The following HORMAD2 variants were observed in gnomAD, a reference collection of about 807,000 sequenced individuals.
HORMAD2 encodes the protein HORMA domain containing 2.
HORMAD2 carries 45 observed loss-of-function variants against 38.8 expected under a neutral mutation model. The observed-to-expected ratio is 1.16, with a 90% confidence interval of 0.91 to 1.49. HORMAD2 has a LOEUF of 1.49. Among genes scored for constraint, HORMAD2 ranks in the 40% most tolerant of loss-of-function variants. The pLI is 0.00. For missense variants in HORMAD2, 338 were observed against 367.0 expected, an observed-to-expected ratio of 0.92 and a Z score of 0.65; for synonymous variants, 126 against 122.8, an observed-to-expected ratio of 1.03 and a Z score of -0.17.
In HORMAD2 at chr22:30,176,473, T is replaced by C; in HGVS notation, c.*306T>C. The stretch of plus-strand genomic sequence containing the variant: ...CACAGCAGCTATTTTGGAAAGAAGC[T>C]GTTGTTCTCAAAGGAAAGAAGGATT... On this transcript the variant is annotated 3_prime_UTR_variant, in exon 11 of 11. Coordinates refer to ENST00000336726, the MANE Select transcript of HORMAD2 (RefSeq NM_152510.4). 3.7e-6 allele frequency: 1 copy of C among 272,590 alleles called. No individual in the cohort carries two copies. The highest frequency in any genetic ancestry group is 7.0e-6 in the Non-Finnish European group (1 of 143,324). 16.9% of individuals were successfully genotyped at this position (272,590 alleles called of 1,614,324 possible).
At chr22:30,125,178 C>CATGTTTGT (rs1423778669) in intron 10 of HORMAD2, among the ~76,000 whole-genome samples, 1 of 126,118 alleles carries the variant, frequency 7.9e-6, no homozygotes, top group Non-Finnish European at 1.7e-5. Flanking sequence ...ATATTTTTTT[C>CATGTTTGT]ATGTTTGTGG....
intron 10 of HORMAD2, among the ~76,000 whole-genome samples, chr22:30,138,758 T>C (rs1923845327): frequency 6.6e-6 from 1 of 152,178 alleles, no homozygotes; most frequent in Non-Finnish European, 1.5e-5. Context: ...AAGAATAAAA[T>C]ACTTGGGAAT....
intron 7 of HORMAD2, among the ~76,000 whole-genome samples, chr22:30,115,772 G>A (rs1028803752): frequency 5.3e-5 from 8 of 152,198 alleles, no homozygotes; most frequent in African/African-American, 1.9e-4. Flanking sequence ...AACAGGTGAT[G>A]TACTAGAGAG....
intron 10 of HORMAD2, among the ~76,000 whole-genome samples, chr22:30,133,014 G>A (rs1428111285): frequency 2.0e-5 from 3 of 151,990 alleles, no homozygotes; most frequent in African/African-American, 7.2e-5. Context: ...TATTCTGTTT[G>A]GTTAAAAAAG....
chr22:30,122,343 C>A, intron 10 of HORMAD2, 129 bp downstream of exon 10: 2 of 769,438 alleles, frequency 2.6e-6, no homozygotes, highest in Non-Finnish European at 3.8e-6. Context: ...TCTCTGACAT[C>A]AAGGAGTTTT....
chr22:30,190,601 C>T, the HORMAD2 span, among the ~76,000 whole-genome samples: 1 of 152,128 alleles, frequency 6.6e-6, no homozygotes, highest in Non-Finnish European at 1.5e-5. Flanking sequence ...GAGGCTCACC[C>T]AAGAGGGAAA....
chr22:30,196,603 A>G, the HORMAD2 span, among the ~76,000 whole-genome samples: 5 of 152,166 alleles, frequency 3.3e-5, no homozygotes, highest in Non-Finnish European at 7.3e-5. Flanking sequence ...AAATTAAACC[A>G]AGAAACAGAG....
chr22:30,144,374 T>G (rs965526404), intron 10 of HORMAD2, among the ~76,000 whole-genome samples: 2 of 152,232 alleles, frequency 1.3e-5, no homozygotes, highest in African/African-American at 4.8e-5. Context: ...AGCAAATACC[T>G]GTAATGAATC....
chr22:30,114,126 G>A (rs1921865376), intron 7 of HORMAD2, among the ~76,000 whole-genome samples: 1 of 152,186 alleles, frequency 6.6e-6, no homozygotes, highest in African/African-American at 2.4e-5. Flanking sequence ...GTATTACAGA[G>A]TGGGAAGAAA....
chr22:30,201,167 G>GTGGT, the HORMAD2 span, among the ~76,000 whole-genome samples: 2 of 152,174 alleles, frequency 1.3e-5, no homozygotes, highest in Admixed American at 1.3e-4. Flanking sequence ...CTAGCTTCCA[G>GTGGT]TGGTTGCTGA....
intron 2 of HORMAD2, among the ~76,000 whole-genome samples, chr22:30,097,434 A>T (rs1233837163): frequency 1.3e-5 from 2 of 152,220 alleles, no homozygotes; most frequent in Non-Finnish European, 2.9e-5. Context: ...TTGTATATAT[A>T]TACACACATA....
chr22:30,195,192 CAAA>C, the HORMAD2 span, among the ~76,000 whole-genome samples: 5 of 89,640 alleles, frequency 5.6e-5, no homozygotes, highest in Admixed American at 1.1e-4. Context: ...GACTCCGTCT[CAAA>C]AAAAAAAAAA....
chr22:30,184,120 A>G, the HORMAD2 span, among the ~76,000 whole-genome samples: 1 of 152,240 alleles, frequency 6.6e-6, no homozygotes, highest in African/African-American at 2.4e-5. Flanking sequence ...CTCAACAAAG[A>G]TTTAGCTGTT....
chr22:30,135,624 C>A (rs1438712633), intron 10 of HORMAD2, among the ~76,000 whole-genome samples: 1 of 152,118 alleles, frequency 6.6e-6, no homozygotes, highest in African/African-American at 2.4e-5. Flanking sequence ...CTTAACAATT[C>A]CCAGAGCTCT....
Position 30,093,904 on chromosome 22 carries a change from A to T in HORMAD2, c.-37-12A>T, listed in dbSNP as rs548684400. The T allele has an allele frequency of 5.7e-5, 76 of 1,339,518 alleles. 1 individual carries two copies. In the South Asian group the frequency reaches 1.0e-3, roughly 18 times the overall value. 83.0% of individuals were successfully genotyped at this position (1,339,518 alleles called of 1,614,324 possible). A position where few individuals can be genotyped will look rare whatever the true frequency, so the allele number is the denominator to read the frequency against. ...TGGCAAGGTCTCTAATTAATTAATT[A>T]TTTTTTAATAGGTTGGACTTGTTGA... On this transcript the variant is annotated splice_polypyrimidine_tract_variant and intron_variant, in intron 1 of 10. Transcript: ENST00000336726.
chr22:30,167,030 A>G (rs1925826033), intron 10 of HORMAD2, among the ~76,000 whole-genome samples: 1 of 152,214 alleles, frequency 6.6e-6, no homozygotes, highest in African/African-American at 2.4e-5. Flanking sequence ...CAGAAGTCCA[A>G]AAGCAATATG....
the HORMAD2 span, among the ~76,000 whole-genome samples, chr22:30,188,927 G>T: frequency 6.6e-6 from 1 of 152,088 alleles, no homozygotes; most frequent in South Asian, 2.1e-4. Context: ...CTTGAGCCTA[G>T]AAGTTCAAGA....
At chr22:30,134,296 G>A (rs1043854480) in intron 10 of HORMAD2, among the ~76,000 whole-genome samples, 8 of 151,300 alleles carry the variant, frequency 5.3e-5, no homozygotes, top group African/African-American at 1.7e-4. Flanking sequence ...CTACTCGGTA[G>A]GCTGAGGCAG....
chr22:30,087,553 A>G (rs1399666178), intron 1 of HORMAD2, among the ~76,000 whole-genome samples: 3 of 152,116 alleles, frequency 2.0e-5, no homozygotes, highest in Non-Finnish European at 4.4e-5. Flanking sequence ...AGACTGGGTA[A>G]TTTATAAAGA....
Sources: gnomAD v4.1 joint callset for allele counts (sites outside exome capture counted in the v4.1 genomes callset) on GRCh38, gnomAD v4.1.1 for gene constraint, MANE v1.5 for transcripts, NCBI Gene and HGNC (gene_info 2026-07-23, HGNC 2026-07-21) for gene names.